Variants in NEAT1 observed in about 807,000 individuals in gnomAD.
NEAT1 encodes MENepsilon/beta.
chr11:65,433,693 T>C (rs1856632926), exon 1 of NEAT1: 1 of 151,934 alleles, frequency 6.6e-6, no homozygotes, highest in Admixed American at 6.6e-5. Flanking sequence ...ATTAACTTCT[T>C]ATAATTTTCT....
chr11:65,423,711 A>G (rs1856527252), exon 1 of NEAT1: 4 of 152,288 alleles, frequency 2.6e-5, no homozygotes, highest in Admixed American at 2.0e-4. Flanking sequence ...TCCTCCCTTT[A>G]ACTTATCCAT....
exon 1 of NEAT1, chr11:65,429,398 G>A (rs976053768): frequency 2.0e-5 from 3 of 152,166 alleles, no homozygotes; most frequent in Non-Finnish European, 2.9e-5. Context: ...CCGACGGATC[G>A]AGTCTGCTTT....
chr11:65,434,101 A>G (rs151148656), exon 1 of NEAT1: 1 of 152,234 alleles, frequency 6.6e-6, no homozygotes, highest in African/African-American at 2.4e-5. Flanking sequence ...CCCAGGGGAT[A>G]GTTCATTTAG....
chr11:65,430,557 T>C (rs1422902716), exon 1 of NEAT1: 1 of 152,196 alleles, frequency 6.6e-6, no homozygotes, highest in Non-Finnish European at 1.5e-5. Flanking sequence ...TTGTTCGTGC[T>C]CAAAAAAGAT....
exon 1 of NEAT1, chr11:65,424,783 C>T (rs1005452137): frequency 6.6e-6 from 1 of 152,206 alleles, no homozygotes; most frequent in Admixed American, 6.5e-5. Context: ...CTCTTTTGTT[C>T]TTGCTTCGTT....
exon 1 of NEAT1, chr11:65,437,513 T>C (rs1461092198): frequency 1.3e-5 from 2 of 152,108 alleles, no homozygotes; most frequent in Admixed American, 1.3e-4. Context: ...TTTTACATAG[T>C]GTAATCTGCA....
chr11:65,422,959 TA>T (rs1856512947), exon 1 of NEAT1: 1 of 151,838 alleles, frequency 6.6e-6, no homozygotes, highest in African/African-American at 2.4e-5. Flanking sequence ...AGACTAGGTC[TA>T]GGGGGACCAC....
At chr11:65,436,015 T>C (rs1856655239) in exon 1 of NEAT1, 1 of 152,260 alleles carries the variant, frequency 6.6e-6, no homozygotes, top group South Asian at 2.1e-4. Context: ...AGGAGTGCTG[T>C]CTGCGCCTGC....
At chr11:65,437,203 ATATATATG>A (rs1277032885) in exon 1 of NEAT1, 2 of 140,714 alleles carry the variant, frequency 1.4e-5, no homozygotes, top group Non-Finnish European at 3.0e-5. Context: ...ATGTATATAT[ATATATATG>A]TATATATATA....
exon 1 of NEAT1, chr11:65,424,949 C>T (rs1020471344): frequency 6.6e-6 from 1 of 151,608 alleles, no homozygotes; most frequent in Non-Finnish European, 1.5e-5. Context: ...GGGTATGCAG[C>T]TTGGCACTGG....
exon 1 of NEAT1, chr11:65,423,765 A>T (rs1856528265): frequency 6.6e-6 from 1 of 152,222 alleles, no homozygotes; most frequent in African/African-American, 2.4e-5. Flanking sequence ...CCGGGACAGT[A>T]AGCCGAGTGG....
At chr11:65,443,511 G>A (rs925538600) in exon 1 of NEAT1, 21 of 152,282 alleles carry the variant, frequency 1.4e-4, no homozygotes, top group African/African-American at 4.8e-4. Flanking sequence ...TTACTATGTG[G>A]GGACACAATT....
chr11:65,433,633 A>T (rs1432924451), exon 1 of NEAT1: 2 of 152,084 alleles, frequency 1.3e-5, no homozygotes, highest in East Asian at 3.8e-4. Flanking sequence ...AAATAGCAAA[A>T]TTTTAATGAC....
chr11:65,445,179 T>C (rs1856755251), exon 1 of NEAT1: 1 of 152,300 alleles, frequency 6.6e-6, no homozygotes, highest in Non-Finnish European at 1.5e-5. Context: ...CCTCTGCTCG[T>C]GAAGGCAGAG....
chr11:65,432,267 C>T (rs550091266), exon 1 of NEAT1: 1 of 152,270 alleles, frequency 6.6e-6, no homozygotes, highest in East Asian at 1.9e-4. Context: ...TGACCACTAA[C>T]CATGTGAAAT....
chr11:65,427,363 T>A (rs1459515515), exon 1 of NEAT1: 1 of 152,334 alleles, frequency 6.6e-6, no homozygotes, highest in Non-Finnish European at 1.5e-5. Context: ...GAAGGGGAGA[T>A]AAGGGCTGAA....
exon 1 of NEAT1, chr11:65,440,079 A>T (rs995415506): frequency 6.6e-6 from 1 of 152,228 alleles, no homozygotes; most frequent in African/African-American, 2.4e-5. Flanking sequence ...CAACATAGTG[A>T]TACCCTATCT....
exon 1 of NEAT1, chr11:65,441,220 GAC>G: frequency 6.6e-6 from 1 of 152,306 alleles, no homozygotes; most frequent in East Asian, 1.9e-4. Flanking sequence ...GAAATATCTA[GAC>G]AAGTTCCCAA....
exon 1 of NEAT1, chr11:65,439,184 T>C (rs1275142937): frequency 6.6e-6 from 1 of 152,214 alleles, no homozygotes; most frequent in Non-Finnish European, 1.5e-5. Context: ...GTATGTTCCC[T>C]GGAGAAGTGT....
Sources: gnomAD v4.1 joint callset for allele counts on GRCh38, gnomAD v4.1.1 for gene constraint, MANE v1.5 for transcripts, NCBI Gene and HGNC (gene_info 2026-07-23, HGNC 2026-07-21) for gene names.